The following ZC3H12B variants were observed in gnomAD, a reference collection of about 807,000 sequenced individuals.
ZC3H12B encodes the protein zinc finger CCCH-type containing 12B.
Under a neutral mutation model 43.9 loss-of-function variants are expected in ZC3H12B, and 7 were observed. The ratio of observed to expected loss-of-function variants is 0.16; its 90% confidence interval spans 0.09 to 0.30. ZC3H12B has a LOEUF of 0.30. Ranked by LOEUF, ZC3H12B falls within the 10% of genes least tolerant of loss-of-function variation. The pLI, the probability that ZC3H12B is intolerant of heterozygous loss-of-function variation, is 1.00. For missense variants in ZC3H12B, 475 were observed against 670.2 expected (o/e 0.71, Z 3.22); for synonymous variants, 222 against 241.7 (o/e 0.92, Z 0.76).
At chrX:65,326,361 G>A in the ZC3H12B span, among the ~76,000 whole-genome samples, 1 of 111,004 alleles carries the variant, frequency 9.0e-6, no homozygotes, top group African/African-American at 3.3e-5. Context: ...CCAAAAACAT[G>A]GATGAGACTG....
chrX:65,146,154 G>GT, the ZC3H12B span, among the ~76,000 whole-genome samples: 1 of 110,515 alleles, frequency 9.0e-6, no homozygotes, highest in African/African-American at 3.3e-5. Flanking sequence ...TAATCCCAGG[G>GT]TTTTGGGGGT....
At chrX:65,267,638 A>G in the ZC3H12B span, among the ~76,000 whole-genome samples, 76 of 111,662 alleles carry the variant, frequency 6.8e-4, no homozygotes, top group African/African-American at 2.4e-3. Context: ...CACCAGAACA[A>G]TGTCTCACTA....
chrX:65,356,087 C>T, the ZC3H12B span, among the ~76,000 whole-genome samples: 1 of 111,810 alleles, frequency 8.9e-6, no homozygotes, highest in Non-Finnish European at 1.9e-5. Flanking sequence ...CCCAAAAATC[C>T]TAGTGAAATG....
At chrX:65,383,358 T>G (rs1167019434) in intron 2 of ZC3H12B, among the ~76,000 whole-genome samples, 3 of 112,044 alleles carry the variant, frequency 2.7e-5, no homozygotes, top group Non-Finnish European at 5.6e-5. Flanking sequence ...GGGGAAAGGA[T>G]TCCCTATTTA....
chrX:65,155,534 G>A, the ZC3H12B span, among the ~76,000 whole-genome samples: 2 of 110,930 alleles, frequency 1.8e-5, no homozygotes, highest in South Asian at 7.6e-4. Context: ...GTTCGGTTTT[G>A]TACCAAGTTT....
the ZC3H12B span, among the ~76,000 whole-genome samples, chrX:65,295,373 C>A: frequency 9.0e-6 from 1 of 111,337 alleles, no homozygotes. Flanking sequence ...AATAGTGACA[C>A]AACTTATCAA....
At chrX:65,267,400 A>G in the ZC3H12B span, among the ~76,000 whole-genome samples, 38 of 110,018 alleles carry the variant, frequency 3.5e-4, no homozygotes, top group African/African-American at 1.2e-3. Flanking sequence ...GAAGGGAGTG[A>G]ACCTAAGTTC....
At chrX:65,054,777 T>A in the ZC3H12B span, among the ~76,000 whole-genome samples, 4 of 111,603 alleles carry the variant, frequency 3.6e-5, no homozygotes, top group Non-Finnish European at 7.5e-5. Flanking sequence ...CAGTGGTTAG[T>A]AGTTCTCCTT....
the ZC3H12B span, among the ~76,000 whole-genome samples, chrX:65,048,101 T>C: frequency 1.8e-5 from 2 of 111,190 alleles, no homozygotes; most frequent in African/African-American, 6.5e-5. Flanking sequence ...CTGGGTTCTA[T>C]CAATTTGATT....
At chrX:65,204,097 G>T in the ZC3H12B span, among the ~76,000 whole-genome samples, 1 of 112,514 alleles carries the variant, frequency 8.9e-6, no homozygotes, top group Non-Finnish European at 1.9e-5. Context: ...CCCTGTGGCT[G>T]CTGCCAGGAT....
At chrX:65,385,350 G>C (rs1310038951) in intron 2 of ZC3H12B, among the ~76,000 whole-genome samples, 2 of 111,643 alleles carry the variant, frequency 1.8e-5, no homozygotes, top group Non-Finnish European at 3.8e-5. Context: ...AGTTCTCCTT[G>C]AAGAGGTCCT....
rs58372328 is a variant in ZC3H12B at position 65,472,825 on chromosome X, G to GATATATATAT, written n.408-15796_408-15787dup. ...ATACTGTTTTGATTACCATACCTTT[G>GATATATATAT]ATATATATATATATATATATATATA... On this transcript the variant is annotated intron_variant and non_coding_transcript_variant, in intron 3 of 5. Coordinates refer to the ZC3H12B transcript ENST00000617377. Among the ~76,000 whole-genome samples, 136 of 31,550 alleles carry GATATATATAT rather than the reference G, an allele frequency of 4.3e-3. 1 individual carries two copies. The highest frequency in any genetic ancestry group is 0.017 in the African/African-American group (80 of 4,660). 27.4% of individuals were successfully genotyped at this position (31,550 alleles called of 115,157 possible).
chrX:65,050,143 T>G, the ZC3H12B span, among the ~76,000 whole-genome samples: 2 of 111,471 alleles, frequency 1.8e-5, no homozygotes. Context: ...TGGTTAAGTT[T>G]ATTTCTAAGT....
upstream of ZC3H12B, among the ~76,000 whole-genome samples, chrX:65,362,256 G>A (rs889211325): frequency 4.5e-5 from 5 of 111,213 alleles, no homozygotes; most frequent in Middle Eastern, 4.6e-3. Context: ...GGGTAAGTCC[G>A]TCTCCTTTTT....
intron 3 of ZC3H12B, among the ~76,000 whole-genome samples, chrX:65,418,260 C>G (rs1393176376): frequency 9.0e-6 from 1 of 111,300 alleles, no homozygotes; most frequent in African/African-American, 3.3e-5. Context: ...TAATGGAATA[C>G]CCTAGCTCAT....
At chrX:65,079,335 G>T in the ZC3H12B span, among the ~76,000 whole-genome samples, 1 of 112,609 alleles carries the variant, frequency 8.9e-6, no homozygotes, top group Non-Finnish European at 1.9e-5. Flanking sequence ...GGCCTGGCTT[G>T]CTTTGCCACC....
intron 3 of ZC3H12B, among the ~76,000 whole-genome samples, chrX:65,399,321 C>A (rs938779215): frequency 6.3e-5 from 7 of 111,664 alleles, no homozygotes; most frequent in East Asian, 5.6e-4. Context: ...AGCTAAAACA[C>A]CTCTATAGGA....
chrX:65,154,494 C>T, the ZC3H12B span, among the ~76,000 whole-genome samples: 2 of 112,043 alleles, frequency 1.8e-5, no homozygotes, highest in Non-Finnish European at 3.8e-5. Context: ...GGATTTTCTA[C>T]ATGGACATTT....
the ZC3H12B span, among the ~76,000 whole-genome samples, chrX:65,194,043 C>G: frequency 9.2e-6 from 1 of 109,188 alleles, no homozygotes; most frequent in African/African-American, 3.3e-5. Context: ...TTTAAACAAC[C>G]AGATATCACG....
Sources: gnomAD v4.1 joint callset for allele counts (sites outside exome capture counted in the v4.1 genomes callset) on GRCh38, gnomAD v4.1.1 for gene constraint, MANE v1.5 for transcripts, NCBI Gene and HGNC (gene_info 2026-07-23, HGNC 2026-07-21) for gene names.